BABAM2: variants seen among roughly 807,000 people sequenced by gnomAD.
The protein encoded by BABAM2 is BRISC and BRCA1 A complex member 2, also known as BRISC and BRCA1-A complex member 2.
A neutral mutation model predicts 54.7 loss-of-function variants in BABAM2; 31 were observed. The ratio of observed to expected loss-of-function variants is 0.57; its 90% CI spans 0.43 to 0.77. BABAM2 has a LOEUF of 0.77. BABAM2 is among the 30% of genes least tolerant of loss of function. The pLI, the probability that BABAM2 is intolerant of heterozygous loss-of-function variation, is 0.00. For synonymous variants in BABAM2, 167 were observed against 162.9 expected (o/e 1.03, Z -0.19); for missense variants, 364 against 455.8 (o/e 0.80, Z 1.83).
chr2:28,304,917 A>G lies in BABAM2; in HGVS notation c.1088+6426A>G, dbSNP rs141986547. ...GGTCTTGAACTCCTGAGCTCAGGCA[A>G]TCCACCTGCCTTGGCCTCCCAAAGC... On this transcript the variant is annotated intron_variant, in intron 11 of 11. Transcript: ENST00000379624. This position sits in a 1 kb window ranked among gnomAD's most constrained non-coding sequence, Gnocchi z 4.0. 7.3e-3 allele frequency among the ~76,000 whole-genome samples: 1,116 copies of G among 152,258 alleles called. 10 individuals are homozygous for G. Among genetic ancestry groups the G allele is most frequent in the African/African-American group, 0.025 (1,028 of 41,556 alleles).
chr2:27,992,532 A>C (rs1363331338), intron 4 of BABAM2, among the ~76,000 whole-genome samples: 2 of 152,236 alleles, frequency 1.3e-5, no homozygotes, highest in African/African-American at 4.8e-5. Flanking sequence ...TTGAAACAAA[A>C]GCAATGCTAT....
chr2:28,189,199 C>CAA (rs78120565), intron 7 of BABAM2, among the ~76,000 whole-genome samples: 10 of 136,506 alleles, frequency 7.3e-5, no homozygotes, highest in South Asian at 2.2e-4. Flanking sequence ...GACTCCCTCT[C>CAA]AAAAAAAAAA....
intron 10 of BABAM2, among the ~76,000 whole-genome samples, chr2:28,296,887 C>T (rs1687738338): frequency 6.6e-6 from 1 of 152,098 alleles, no homozygotes; most frequent in African/African-American, 2.4e-5. Context: ...GAGGTTTCAC[C>T]ATGTTGGCCA....
chr2:28,043,131 GTTT>G (rs757757963), intron 5 of BABAM2, among the ~76,000 whole-genome samples: 3 of 138,846 alleles, frequency 2.2e-5, no homozygotes, highest in Admixed American at 7.2e-5. Flanking sequence ...TTGGGAGCAT[GTTT>G]TTTTTTTTTT....
intron 6 of BABAM2, among the ~76,000 whole-genome samples, chr2:28,090,458 A>G (rs910105988): frequency 6.6e-6 from 1 of 151,990 alleles, no homozygotes; most frequent in African/African-American, 2.4e-5. Flanking sequence ...TGGCCAGGAT[A>G]GTCTCCAACT....
At chr2:28,072,632 G>C (rs1012750447) in intron 6 of BABAM2, among the ~76,000 whole-genome samples, 2 of 152,118 alleles carry the variant, frequency 1.3e-5, no homozygotes, top group African/African-American at 4.8e-5. Flanking sequence ...TGATCCGCCC[G>C]CCTCAGCCTC....
intron 1 of BABAM2, among the ~76,000 whole-genome samples, chr2:27,893,605 T>C (rs1480815123): frequency 6.6e-6 from 1 of 152,166 alleles, no homozygotes; most frequent in Admixed American, 6.5e-5. Flanking sequence ...GGTATTTCTG[T>C]TAAACCCTGG....
chr2:28,219,569 C>T (rs1680209171), intron 7 of BABAM2, among the ~76,000 whole-genome samples: 1 of 151,924 alleles, frequency 6.6e-6, no homozygotes, highest in Non-Finnish European at 1.5e-5. Context: ...GAGGGTTTGG[C>T]AGCTTTGGGG....
chr2:28,264,679 T>C (rs1684825705), intron 10 of BABAM2, among the ~76,000 whole-genome samples: 1 of 152,158 alleles, frequency 6.6e-6, no homozygotes, highest in Non-Finnish European at 1.5e-5. Flanking sequence ...TACAAGAAGA[T>C]GAAAACATGC....
intron 2 of BABAM2, among the ~76,000 whole-genome samples, chr2:27,905,479 G>A (rs774414339): frequency 2.0e-4 from 31 of 152,076 alleles, no homozygotes; most frequent in Admixed American, 7.2e-4. Context: ...GTAGTTATGG[G>A]GGTGAAATGA....
At chr2:28,044,898 C>G (rs943306413) in intron 5 of BABAM2, among the ~76,000 whole-genome samples, 21 of 151,766 alleles carry the variant, frequency 1.4e-4, no homozygotes, top group African/African-American at 4.8e-4. Context: ...TCCACCAGGT[C>G]AGGACGCATC....
At chr2:28,195,215 A>G (rs941833990) in intron 7 of BABAM2, among the ~76,000 whole-genome samples, 3 of 152,238 alleles carry the variant, frequency 2.0e-5, no homozygotes, top group African/African-American at 4.8e-5. Context: ...TGACTTCTGC[A>G]GTCCACAAGA....
At chr2:27,895,466 T>A (rs1235332750) in intron 2 of BABAM2, among the ~76,000 whole-genome samples, 1 of 152,222 alleles carries the variant, frequency 6.6e-6, no homozygotes, top group African/African-American at 2.4e-5. Context: ...GTGAAAAATA[T>A]GTTTTTTTCC....
intron 2 of BABAM2, among the ~76,000 whole-genome samples, chr2:27,927,012 G>A (rs1667753186): frequency 6.6e-6 from 1 of 152,100 alleles, no homozygotes; most frequent in African/African-American, 2.4e-5. Flanking sequence ...ATCTACAGTG[G>A]TATAGTACAC....
chr2:28,278,247 T>G (rs921270843), intron 10 of BABAM2, among the ~76,000 whole-genome samples: 2 of 152,192 alleles, frequency 1.3e-5, no homozygotes, highest in African/African-American at 2.4e-5. Context: ...ATTTTCTCTA[T>G]TATACTGTAA....
At chr2:27,982,844 TACACACACACAC>T (rs146744707) in intron 3 of BABAM2, among the ~76,000 whole-genome samples, 11 of 127,230 alleles carry the variant, frequency 8.6e-5, no homozygotes, top group East Asian at 4.5e-4. Context: ...TCATTATGTG[TACACACACACAC>T]ACACACACAC....
intron 9 of BABAM2, 37 bp from the exon 10 acceptor site, chr2:28,244,743 T>C: frequency 1.3e-6 from 2 of 1,525,154 alleles, no homozygotes; most frequent in Non-Finnish European, 1.8e-6. Context: ...TTTATGAGGG[T>C]TTTTTTTGTT....
At chr2:28,328,702 C>CA (rs1356102654) in intron 11 of BABAM2, among the ~76,000 whole-genome samples, 1 of 152,168 alleles carries the variant, frequency 6.6e-6, no homozygotes, top group Non-Finnish European at 1.5e-5. Context: ...GCTCTAGTGG[C>CA]ACTGGGGTTG....
intron 7 of BABAM2, among the ~76,000 whole-genome samples, chr2:28,215,071 C>T (rs772950880): frequency 6.6e-6 from 1 of 152,100 alleles, no homozygotes; most frequent in Non-Finnish European, 1.5e-5. Context: ...ATCTTTTTCA[C>T]TGCATTTACT....
Sources: allele counts gnomAD v4.1 joint callset (sites outside exome capture counted in the v4.1 genomes callset), GRCh38; gene constraint gnomAD v4.1.1; non-coding constraint Gnocchi (gnomAD v3.1); transcripts MANE v1.5; gene names NCBI Gene and HGNC (gene_info 2026-07-23, HGNC 2026-07-21).